The following PRR16 variants were observed in gnomAD, a reference collection of about 807,000 sequenced individuals.
The protein encoded by PRR16 is proline rich 16.
A neutral mutation model predicts 18.2 loss-of-function variants in PRR16; 6 were observed. The ratio of observed to expected loss-of-function variants is 0.33; its 90% CI spans 0.18 to 0.65. The LOEUF (loss-of-function observed/expected upper bound fraction) is 0.65, where lower values mean the gene tolerates loss of function less well. Among genes scored for constraint, PRR16 ranks in the 30% least tolerant of loss-of-function variants. The probability of loss-of-function intolerance (pLI) is 0.74; values close to 1 mark genes in which losing one functional copy is unlikely to be tolerated. For synonymous variants in PRR16, 151 were observed against 147.8 expected (o/e 1.02, Z -0.16); for missense variants, 412 against 376.6 (o/e 1.09, Z -0.78).
rs375750842 is a variant in PRR16 at position 120,530,285 on chromosome 5, T to TATATATATATATATA, written c.159+65640_159+65641insATATATATATATATA. ...TATATATATATATATATATATATAT[T>TATATATATATATATA]TATTTATTTATTTATTTATTTATTT... On this transcript the variant is annotated intron_variant, in intron 1 of 1. Coordinates refer to ENST00000407149, the MANE Select transcript of PRR16 (RefSeq NM_001300783.2). 1.9e-3 allele frequency among the ~76,000 whole-genome samples: 156 copies of TATATATATATATATA among 84,240 alleles called. 1 individual carries two copies. The highest frequency in any genetic ancestry group is 3.0e-3 in the African/African-American group (58 of 19,260). The allele number at this position is 84,240 out of a possible 152,430, so 55.3% of individuals were successfully genotyped here.
At chr5:120,699,887 C>T in the PRR16 span, among the ~76,000 whole-genome samples, 1 of 151,988 alleles carries the variant, frequency 6.6e-6, no homozygotes, top group African/African-American at 2.4e-5. Flanking sequence ...GAGAATTATG[C>T]CGAGATAGGT....
intron 1 of PRR16, among the ~76,000 whole-genome samples, chr5:120,660,389 A>C (rs1210336348): frequency 6.6e-6 from 1 of 152,102 alleles, no homozygotes; most frequent in East Asian, 1.9e-4. Context: ...TGCTTTCTTA[A>C]CTGAGAATCT....
At chr5:120,564,896 G>C (rs1017208107) in intron 1 of PRR16, among the ~76,000 whole-genome samples, 14 of 151,224 alleles carry the variant, frequency 9.3e-5, no homozygotes, top group Non-Finnish European at 1.3e-4. Context: ...TGAGGCAGGA[G>C]AATGGCTTGA....
At chr5:120,549,700 T>C (rs111937206) in intron 1 of PRR16, among the ~76,000 whole-genome samples, 2 of 151,950 alleles carry the variant, frequency 1.3e-5, no homozygotes, top group African/African-American at 4.8e-5. Flanking sequence ...AAAATTCAAA[T>C]CTCGTAAGCT....
At chr5:120,623,347 G>T (rs1168784307) in intron 1 of PRR16, among the ~76,000 whole-genome samples, 1 of 152,024 alleles carries the variant, frequency 6.6e-6, no homozygotes, top group South Asian at 2.1e-4. Flanking sequence ...TACTAATCAG[G>T]ATTCTACCTA....
At chr5:120,560,045 T>C (rs192060453) in intron 1 of PRR16, among the ~76,000 whole-genome samples, 122 of 152,134 alleles carry the variant, frequency 8.0e-4, no homozygotes, top group Middle Eastern at 3.4e-3. Context: ...GTGGAGTCTT[T>C]AGGTTTTTCT....
chr5:120,699,532 T>C, the PRR16 span, among the ~76,000 whole-genome samples: 3 of 151,858 alleles, frequency 2.0e-5, no homozygotes, highest in Non-Finnish European at 2.9e-5. Flanking sequence ...TGAGTATAGC[T>C]GAAGGAGCCA....
chr5:120,504,425 T>A (rs1441692802), intron 1 of PRR16, among the ~76,000 whole-genome samples: 1 of 152,230 alleles, frequency 6.6e-6, no homozygotes, highest in Middle Eastern at 3.2e-3. Flanking sequence ...ATGGAGCTGA[T>A]AATTTACTGA....
intron 1 of PRR16, among the ~76,000 whole-genome samples, chr5:120,629,695 A>G (rs1754991087): frequency 6.6e-6 from 1 of 152,094 alleles, no homozygotes. Context: ...TATTCTTAAA[A>G]TACAACCTTT....
the PRR16 span, among the ~76,000 whole-genome samples, chr5:120,723,672 G>A: frequency 6.6e-6 from 1 of 151,784 alleles, no homozygotes; most frequent in African/African-American, 2.4e-5. Context: ...ATTTACTCAA[G>A]CATTTATTGC....
the PRR16 span, among the ~76,000 whole-genome samples, chr5:120,732,439 A>AT: frequency 1.3e-5 from 2 of 152,026 alleles, no homozygotes; most frequent in East Asian, 1.9e-4. Context: ...TGATTATACT[A>AT]TTTTTTCTTT....
chr5:120,505,984 CAT>C (rs1453977498), intron 1 of PRR16, among the ~76,000 whole-genome samples: 1 of 144,524 alleles, frequency 6.9e-6, no homozygotes, highest in Non-Finnish European at 1.5e-5. Context: ...ATTTTTTCTA[CAT>C]AGAGTGCATC....
At chr5:120,789,840 A>G in the PRR16 span, 1 of 152,120 alleles carries the variant, frequency 6.6e-6, no homozygotes, top group South Asian at 2.1e-4. Flanking sequence ...AAATAATCTA[A>G]GATTATTATT....
At chr5:120,646,372 G>A (rs1755602877) in intron 1 of PRR16, among the ~76,000 whole-genome samples, 1 of 151,872 alleles carries the variant, frequency 6.6e-6, no homozygotes, top group South Asian at 2.1e-4. Flanking sequence ...ATAAATCAAA[G>A]AGTGAGTGAA....
At chr5:120,695,075 A>G in the PRR16 span, among the ~76,000 whole-genome samples, 2 of 152,348 alleles carry the variant, frequency 1.3e-5, no homozygotes, top group South Asian at 2.1e-4. Flanking sequence ...ACATTCACCA[A>G]TATGAATATT....
intron 1 of PRR16, among the ~76,000 whole-genome samples, chr5:120,656,525 A>G (rs187983920): frequency 1.3e-5 from 2 of 151,878 alleles, no homozygotes; most frequent in Admixed American, 1.3e-4. Context: ...GGAATAAGGG[A>G]AAAATCGTTA....
At position 120,686,442 on chromosome 5, in the gene PRR16, T is replaced by C. The variant is rs201854279; in HGVS notation, c.648T>C (p.Tyr216=). The change falls in exon 2 of 2, where the codon TAT becomes TAC. Residue 216 remains tyrosine (Y), a synonymous_variant. Coordinates refer to ENST00000407149, the MANE Select transcript of PRR16 (RefSeq NM_001300783.2). ...ATGAAAAAGTACAGTACCATGGCTA[T>C]TGTCCTGACTGTGATACCCGGTATA... ...RFNEKVQYHG[Y]CPDCDTRYNI... 21 of 1,613,994 alleles carry C rather than the reference T, an allele frequency of 1.3e-5. No homozygotes were observed. The Admixed American group carries it at 2.3e-4, about 18-fold the overall frequency.
the PRR16 span, among the ~76,000 whole-genome samples, chr5:120,698,127 C>G: frequency 2.0e-5 from 3 of 151,914 alleles, no homozygotes; most frequent in East Asian, 1.9e-4. Context: ...TATGGAGAGA[C>G]AGAGAATGGC....
At chr5:120,679,571 C>A (rs1175050287) in intron 1 of PRR16, among the ~76,000 whole-genome samples, 1 of 151,976 alleles carries the variant, frequency 6.6e-6, no homozygotes, top group Non-Finnish European at 1.5e-5. Context: ...AACACAGCAC[C>A]CTTCAGTATG....
Sources: gnomAD v4.1 joint callset for allele counts (sites outside exome capture counted in the v4.1 genomes callset) on GRCh38, gnomAD v4.1.1 for gene constraint, MANE v1.5 for transcripts, NCBI Gene and HGNC (gene_info 2026-07-23, HGNC 2026-07-21) for gene names.